SEL1L3: variants seen among roughly 807,000 people sequenced by gnomAD.
The protein encoded by SEL1L3 is protein sel-1 homolog 3.
A neutral mutation model predicts 142.8 loss-of-function variants in SEL1L3; 76 were observed. That is an observed-to-expected ratio of 0.53 (90% confidence interval 0.44 to 0.64). SEL1L3 has a LOEUF of 0.64. SEL1L3 is among the 30% of genes least tolerant of loss of function. The pLI, the probability that SEL1L3 is intolerant of heterozygous loss-of-function variation, is 0.00. For missense variants in SEL1L3, 1,262 were observed against 1,381.7 expected (o/e 0.91, Z 1.37); for synonymous variants, 504 against 519.6 (o/e 0.97, Z 0.41).
chr4:25,729,043 T>C, the SEL1L3 span, among the ~76,000 whole-genome samples: 415 of 149,034 alleles, frequency 2.8e-3, 1 homozygote, highest in African/African-American at 3.9e-3. Flanking sequence ...CGTTTTTTTT[T>C]CCCCAACCAT....
chr4:25,858,068 G>T (rs1717387822), intron 1 of SEL1L3, among the ~76,000 whole-genome samples: 1 of 152,238 alleles, frequency 6.6e-6, no homozygotes, highest in South Asian at 2.1e-4. Flanking sequence ...CAGGGGAATG[G>T]CATGAGCCAT....
At chr4:25,778,240 G>C (rs536505860) in intron 16 of SEL1L3, among the ~76,000 whole-genome samples, 1 of 152,252 alleles carries the variant, frequency 6.6e-6, no homozygotes, top group South Asian at 2.1e-4. Context: ...TGGAGGGAAA[G>C]TAAATACCCA....
At chr4:25,834,370 T>A (rs931832202) in intron 3 of SEL1L3, among the ~76,000 whole-genome samples, 1 of 152,228 alleles carries the variant, frequency 6.6e-6, no homozygotes, top group African/African-American at 2.4e-5. Context: ...GAAGTGGGAA[T>A]GATTACATTT....
chr4:25,802,192 G>T, intron 11 of SEL1L3, 91 bp downstream of exon 11: 1 of 1,166,240 alleles, frequency 8.6e-7, no homozygotes, highest in Non-Finnish European at 1.2e-6. Flanking sequence ...ACCTCTGAAG[G>T]CCAACTACAA....
chr4:25,840,363 T>G (rs1366896032), intron 2 of SEL1L3, among the ~76,000 whole-genome samples: 1 of 152,216 alleles, frequency 6.6e-6, no homozygotes, highest in African/African-American at 2.4e-5. Flanking sequence ...TATCATGACA[T>G]TGACTTGAAT....
At chr4:25,818,402 C>T (rs770408385) in intron 8 of SEL1L3, 124 bp from the exon 9 acceptor site, 19 of 893,422 alleles carry the variant, frequency 2.1e-5, no homozygotes, top group African/African-American at 3.5e-5. Flanking sequence ...GGTTTTGGTC[C>T]TTTTGGGATT....
chr4:25,723,768 A>C, the SEL1L3 span, among the ~76,000 whole-genome samples: 2 of 152,118 alleles, frequency 1.3e-5, no homozygotes, highest in East Asian at 3.9e-4. Flanking sequence ...CCCCACTCTA[A>C]GTTCAGGCTC....
At chr4:25,726,148 A>G in the SEL1L3 span, among the ~76,000 whole-genome samples, 5 of 151,886 alleles carry the variant, frequency 3.3e-5, no homozygotes, top group African/African-American at 7.3e-5. Flanking sequence ...CACTTCCTGA[A>G]GGAGAGGAAA....
chr4:25,731,052 T>A, the SEL1L3 span, among the ~76,000 whole-genome samples: 1 of 152,104 alleles, frequency 6.6e-6, no homozygotes, highest in Non-Finnish European at 1.5e-5. Context: ...TAAAGTCAGG[T>A]AACAGATCTT....
intron 11 of SEL1L3, among the ~76,000 whole-genome samples, chr4:25,796,889 G>C (rs193212035): frequency 6.6e-6 from 1 of 151,698 alleles, no homozygotes; most frequent in Admixed American, 6.6e-5. Flanking sequence ...AAGAAGAAAG[G>C]TAAGATCTGG....
At position 25,759,074 on chromosome 4, in the gene SEL1L3, A is replaced by C. The variant is rs1306261047; in HGVS notation, c.2956-6T>G. 6.2e-6 allele frequency: 10 copies of C among 1,612,876 alleles called. No individual in the cohort carries two copies. The Admixed American group carries it at 1.5e-4, about 24-fold the overall frequency. On this transcript the variant is annotated splice_polypyrimidine_tract_variant and splice_region_variant and intron_variant, in intron 20 of 23. Coordinates refer to ENST00000399878, the MANE Select transcript of SEL1L3 (RefSeq NM_015187.5). The stretch of plus-strand genomic sequence containing the variant: ...AGGGCCAGGTTAAAAAATCCCTAAA[A>C]ACAAGCCACAAACCAAACTCATCAA...
At position 25,756,740 on chromosome 4, in the gene SEL1L3, C is replaced by T. The variant is rs1434135160; in HGVS notation, c.3259+794G>A. 1.4e-5 allele frequency: 16 copies of T among 1,116,200 alleles called. No homozygotes were observed. The African/African-American group carries it at 1.8e-4, about 12-fold the overall frequency. 69.1% of individuals were successfully genotyped at this position (1,116,200 alleles called of 1,614,324 possible). On this transcript the variant is annotated intron_variant, in intron 23 of 23. Coordinates refer to ENST00000399878, the MANE Select transcript of SEL1L3 (RefSeq NM_015187.5). ...CATGCTCAGCTAAATGCCCACTTTA[C>T]GATTCCTGCTCAGTCCCTCCCTCTG...
At chr4:25,766,500 G>A (rs533295657) in intron 19 of SEL1L3, among the ~76,000 whole-genome samples, 6 of 151,760 alleles carry the variant, frequency 4.0e-5, no homozygotes, top group South Asian at 4.2e-4. Context: ...AACAGAACCC[G>A]TTTCAAGTGG....
chr4:25,750,556 T>C (rs1231962678), intron 23 of SEL1L3, among the ~76,000 whole-genome samples: 1 of 152,218 alleles, frequency 6.6e-6, no homozygotes, highest in African/African-American at 2.4e-5. Context: ...TCATGCCTAC[T>C]TCATCTGGGC....
At chr4:25,725,437 T>A in the SEL1L3 span, among the ~76,000 whole-genome samples, 1 of 151,484 alleles carries the variant, frequency 6.6e-6, no homozygotes, top group Non-Finnish European at 1.5e-5. Flanking sequence ...TGCCTCCGCC[T>A]CTTGAGTAGT....
Position 25,776,515 on chromosome 4 carries a change from A to C in SEL1L3, c.2586-155T>G, listed in dbSNP as rs1719641588. The C allele has an allele frequency of 8.5e-6, 5 of 588,304 alleles. No homozygotes were observed. The East Asian group carries it at 1.4e-4, about 17-fold the overall frequency. The allele number at this position is 588,304 out of a possible 1,614,324, so 36.4% of individuals were successfully genotyped here. A position where few individuals can be genotyped will look rare whatever the true frequency, so the allele number is the denominator to read the frequency against. On this transcript the variant is annotated intron_variant, in intron 16 of 23. Coordinates refer to ENST00000399878, the MANE Select transcript of SEL1L3 (RefSeq NM_015187.5). Reference sequence around the variant, plus strand: ...CCAGAACTGAATGTTAAGGTAAAGAAAATGCATTCTGAGAGCTTTTCATTT... The same window carrying C: ...CCAGAACTGAATGTTAAGGTAAAGACAATGCATTCTGAGAGCTTTTCATTT...
intron 1 of SEL1L3, among the ~76,000 whole-genome samples, chr4:25,859,359 CTGTT>C (rs1340822315): frequency 6.6e-6 from 1 of 152,248 alleles, no homozygotes; most frequent in Non-Finnish European, 1.5e-5. Context: ...TTTCAGAAAT[CTGTT>C]TGGCATCGTT....
Position 25,761,026 on chromosome 4 carries a change from G to A in SEL1L3, c.2956-1958C>T, listed in dbSNP as rs576585236. 1.5e-4 allele frequency among the ~76,000 whole-genome samples: 23 copies of A among 152,214 alleles called. No homozygotes were observed. In the South Asian group the frequency reaches 4.8e-3, roughly 32 times the overall value. ...GTCTCAAATCTTAAACTCCACCATG[G>A]TGCCAAGAATAACCTCTAAATAGAT... On this transcript the variant is annotated intron_variant, in intron 20 of 23. Transcript: ENST00000399878.
At chr4:25,821,934 AC>A in intron 7 of SEL1L3, 61 bp downstream of exon 7, 1 of 1,543,570 alleles carries the variant, frequency 6.5e-7, no homozygotes, top group Non-Finnish European at 8.7e-7. Flanking sequence ...TGGGTGGCAC[AC>A]CCCTGAGGCC....
Sources: allele counts gnomAD v4.1 joint callset (sites outside exome capture counted in the v4.1 genomes callset), GRCh38; gene constraint gnomAD v4.1.1; transcripts MANE v1.5; gene names NCBI Gene and HGNC (gene_info 2026-07-23, HGNC 2026-07-21).